The following DSCAM variants were observed in gnomAD, a reference collection of about 807,000 sequenced individuals.
The protein encoded by DSCAM is DS cell adhesion molecule, also known as cell adhesion molecule DSCAM.
DSCAM carries 47 observed loss-of-function variants against 217.7 expected under a neutral mutation model. The ratio of observed to expected loss-of-function variants is 0.22; its 90% confidence interval spans 0.17 to 0.28. The LOEUF (loss-of-function observed/expected upper bound fraction) is 0.28, where lower values mean the gene tolerates loss of function less well. Ranked by LOEUF, DSCAM falls within the 10% of genes least tolerant of loss-of-function variation. The pLI is 1.00. For synonymous variants in DSCAM, 1,056 were observed against 1,015.3 expected, an observed-to-expected ratio of 1.04 and a Z score of -0.76; for missense variants, 2,080 against 2,618.3, an observed-to-expected ratio of 0.79 and a Z score of 4.49.
At chr21:40,759,905 G>A (rs980307227) in intron 1 of DSCAM, among the ~76,000 whole-genome samples, 1 of 152,140 alleles carries the variant, frequency 6.6e-6, no homozygotes, top group Non-Finnish European at 1.5e-5. Flanking sequence ...GACGAGAGGG[G>A]CATTCATCTT....
chr21:40,545,534 C>T (rs566663515), intron 3 of DSCAM, among the ~76,000 whole-genome samples: 95 of 152,186 alleles, frequency 6.2e-4, no homozygotes, highest in African/African-American at 2.2e-3. Flanking sequence ...CATGGGAAAC[C>T]AGACAGACCA....
intron 1 of DSCAM, among the ~76,000 whole-genome samples, chr21:40,778,404 C>G (rs544475985): frequency 6.5e-4 from 99 of 152,230 alleles, no homozygotes; most frequent in African/African-American, 2.3e-3. Context: ...AGCCACCGTG[C>G]CTGGCCCAGA....
intron 3 of DSCAM, among the ~76,000 whole-genome samples, chr21:40,590,602 T>C (rs568646934): frequency 6.6e-6 from 1 of 152,052 alleles, no homozygotes; most frequent in South Asian, 2.1e-4. Context: ...ATAGATGATA[T>C]AGCTAGTAAT....
At chr21:40,836,893 T>C (rs2092061550) in intron 1 of DSCAM, among the ~76,000 whole-genome samples, 1 of 152,090 alleles carries the variant, frequency 6.6e-6, no homozygotes, top group Non-Finnish European at 1.5e-5. Flanking sequence ...CCTGGGGAGC[T>C]TTCCAAACTA....
rs1222459886 is a variant in DSCAM, at chr21:40,035,318, A to G, written c.5686+7053T>C. On this transcript the variant is annotated intron_variant, in intron 32 of 32. Coordinates refer to ENST00000400454, the MANE Select transcript of DSCAM (RefSeq NM_001389.5). ...AGGCTCAAAATAAAAGGATGGAGGA[A>G]GATCTACCAAGCAAATGGAAAACAA... 4.2e-5 allele frequency among the ~76,000 whole-genome samples: 4 copies of G among 95,006 alleles called. No individual in the cohort carries two copies. In the East Asian group the frequency reaches 9.4e-4, roughly 22 times the overall value. The allele number at this position is 95,006 out of a possible 152,430, so 62.3% of individuals were successfully genotyped here. A position where few individuals can be genotyped will look rare whatever the true frequency, so the allele number is the denominator to read the frequency against.
chr21:40,034,105 G>A (rs2996052), intron 32 of DSCAM, among the ~76,000 whole-genome samples: 36 of 256 alleles, frequency 0.14, no homozygotes, highest in Admixed American at 0.28. Context: ...AAAGCAGAGC[G>A]CCTCTCCTCT....
intron 1 of DSCAM, among the ~76,000 whole-genome samples, chr21:40,730,315 G>T (rs2090999594): frequency 6.6e-6 from 1 of 152,154 alleles, no homozygotes; most frequent in Non-Finnish European, 1.5e-5. Context: ...TGTTGCAAAT[G>T]AATCCTGTGG....
intron 20 of DSCAM, among the ~76,000 whole-genome samples, chr21:40,111,030 G>T (rs560666478): frequency 6.6e-6 from 1 of 152,252 alleles, no homozygotes; most frequent in South Asian, 2.1e-4. Context: ...ATCTAGCAAG[G>T]CAGGCCAACA....
intron 3 of DSCAM, chr21:40,384,943 CTTTA>C (rs1469946506): frequency 1.3e-5 from 2 of 152,140 alleles, no homozygotes; most frequent in South Asian, 4.1e-4. Flanking sequence ...GTGTAATTTG[CTTTA>C]TTTATTTTTA....
chr21:40,248,511 A>G (rs2073258250), intron 11 of DSCAM, among the ~76,000 whole-genome samples: 1 of 152,170 alleles, frequency 6.6e-6, no homozygotes. Context: ...AAAATATTAT[A>G]AGTGTCACCT....
At chr21:40,098,857 T>C (rs1197496930) in intron 20 of DSCAM, among the ~76,000 whole-genome samples, 1 of 152,146 alleles carries the variant, frequency 6.6e-6, no homozygotes, top group Non-Finnish European at 1.5e-5. Context: ...TATGCACTCA[T>C]TTACACCTCA....
intron 3 of DSCAM, among the ~76,000 whole-genome samples, chr21:40,414,858 T>C (rs534115883): frequency 1.1e-4 from 16 of 152,276 alleles, no homozygotes; most frequent in Non-Finnish European, 1.9e-4. Flanking sequence ...TATCAAGACA[T>C]GGGACAAAGG....
At chr21:40,530,936 T>C (rs183313576) in intron 3 of DSCAM, among the ~76,000 whole-genome samples, 1 of 118,748 alleles carries the variant, frequency 8.4e-6, no homozygotes, top group Non-Finnish European at 1.6e-5. Context: ...CATCCATCCA[T>C]CCATCCATCC....
At chr21:40,613,613 C>T (rs1206163764) in intron 3 of DSCAM, among the ~76,000 whole-genome samples, 3 of 151,864 alleles carry the variant, frequency 2.0e-5, no homozygotes, top group African/African-American at 7.3e-5. Context: ...AATAGAGATC[C>T]GGATGTAAAA....
chr21:40,467,974 G>T (rs184465631), intron 3 of DSCAM, among the ~76,000 whole-genome samples: 2 of 140,372 alleles, frequency 1.4e-5, no homozygotes, highest in Admixed American at 7.2e-5. Context: ...CTCACAATTT[G>T]CCCACTAGGA....
chr21:40,617,354 G>C (rs1426817742), intron 3 of DSCAM, among the ~76,000 whole-genome samples: 1 of 151,986 alleles, frequency 6.6e-6, no homozygotes, highest in African/African-American at 2.4e-5. Flanking sequence ...TCGATCTCCT[G>C]ACCTCGTGAT....
chr21:40,485,134 GTCCCTTGCTACTAAGC>G (rs1426398873), intron 3 of DSCAM, among the ~76,000 whole-genome samples: 1 of 151,784 alleles, frequency 6.6e-6, no homozygotes, highest in Non-Finnish European at 1.5e-5. Flanking sequence ...ACTCACTGAG[GTCCCTTGCTACTAAGC>G]TCCCTGCTAC....
chr21:40,227,480 G>A (rs1022747993), intron 11 of DSCAM, among the ~76,000 whole-genome samples: 6 of 152,234 alleles, frequency 3.9e-5, no homozygotes, highest in East Asian at 1.9e-4. Flanking sequence ...CAACATTTGG[G>A]GTAAATTGTT....
chr21:40,422,579 T>C (rs961875743), intron 3 of DSCAM, among the ~76,000 whole-genome samples: 1 of 152,022 alleles, frequency 6.6e-6, no homozygotes, highest in Non-Finnish European at 1.5e-5. Context: ...GAGGCGGAGG[T>C]TGCAGTGAGC....
Sources: allele counts gnomAD v4.1 joint callset (sites outside exome capture counted in the v4.1 genomes callset), GRCh38; gene constraint gnomAD v4.1.1; transcripts MANE v1.5; gene names NCBI Gene and HGNC (gene_info 2026-07-23, HGNC 2026-07-21).